Variants in PTPRK observed in about 807,000 individuals in gnomAD.
PTPRK encodes protein tyrosine phosphatase receptor type K, also known as receptor-type tyrosine-protein phosphatase kappa.
In PTPRK, 75 loss-of-function variants were observed where a neutral mutation model predicts 178.0. The observed-to-expected ratio is 0.42, with a 90% CI of 0.35 to 0.51. PTPRK has a LOEUF of 0.51. PTPRK is among the 20% of genes least tolerant of loss of function. The pLI is 0.02. For missense variants in PTPRK, 1,441 were observed against 1,797.8 expected (o/e 0.80, Z 3.59); for synonymous variants, 637 against 620.6 (o/e 1.03, Z -0.39).
At chr6:128,167,997 T>C (rs1209475264) in intron 7 of PTPRK, among the ~76,000 whole-genome samples, 1 of 152,112 alleles carries the variant, frequency 6.6e-6, no homozygotes, top group Non-Finnish European at 1.5e-5. Flanking sequence ...GTTTTCAGTT[T>C]TGAGAAACTT....
At chr6:128,310,169 T>G (rs964809910) in intron 3 of PTPRK, among the ~76,000 whole-genome samples, 2 of 152,212 alleles carry the variant, frequency 1.3e-5, no homozygotes, top group Non-Finnish European at 2.9e-5. Flanking sequence ...GCCTTCTTTC[T>G]CTCTGATTTC....
At chr6:128,181,844 T>C (rs561226032) in intron 7 of PTPRK, among the ~76,000 whole-genome samples, 36 of 152,144 alleles carry the variant, frequency 2.4e-4, no homozygotes, top group Non-Finnish European at 4.7e-4. Context: ...TTAATTATAC[T>C]ATATATCAAT....
At chr6:127,972,048 G>C (rs951633733) in intron 29 of PTPRK, among the ~76,000 whole-genome samples, 6 of 152,114 alleles carry the variant, frequency 3.9e-5, no homozygotes, top group African/African-American at 7.2e-5. Context: ...TAGGGAGTTT[G>C]AGGACACCTG....
chr6:128,493,998 C>A (rs1854293062), intron 1 of PTPRK, among the ~76,000 whole-genome samples: 1 of 152,262 alleles, frequency 6.6e-6, no homozygotes, highest in South Asian at 2.1e-4. Flanking sequence ...AGTGCTGGTA[C>A]ACACTAGTGG....
intron 1 of PTPRK, among the ~76,000 whole-genome samples, chr6:128,484,100 CTAGA>C (rs1289770404): frequency 6.6e-6 from 1 of 151,994 alleles, no homozygotes; most frequent in Non-Finnish European, 1.5e-5. Context: ...CTGGTAAATC[CTAGA>C]TAGACACCTT....
chr6:128,340,989 A>G (rs532041410), intron 2 of PTPRK, among the ~76,000 whole-genome samples: 5 of 152,168 alleles, frequency 3.3e-5, no homozygotes, highest in African/African-American at 1.2e-4. Context: ...TACTATATTT[A>G]TTGTTAGTAA....
intron 1 of PTPRK, among the ~76,000 whole-genome samples, chr6:128,513,095 A>C (rs1585034222): frequency 6.6e-6 from 1 of 152,238 alleles, no homozygotes; most frequent in African/African-American, 2.4e-5. Flanking sequence ...ATTTTTTTTC[A>C]AAGTCATCTG....
At chr6:128,229,920 A>T (rs755904463) in intron 5 of PTPRK, among the ~76,000 whole-genome samples, 1 of 152,176 alleles carries the variant, frequency 6.6e-6, no homozygotes, top group Non-Finnish European at 1.5e-5. Context: ...CAAATAGTAG[A>T]TTAGGGGGAG....
chr6:128,498,134 C>T (rs1177286444), intron 1 of PTPRK, among the ~76,000 whole-genome samples: 2 of 152,106 alleles, frequency 1.3e-5, no homozygotes, highest in African/African-American at 4.8e-5. Flanking sequence ...TCCTTAACAC[C>T]CTTTTTCTGT....
intron 1 of PTPRK, among the ~76,000 whole-genome samples, chr6:128,500,363 T>TG (rs36030938): frequency 0.065 from 9,739 of 150,540 alleles, 570 homozygotes; most frequent in African/African-American, 0.16. Context: ...ACTGAAAATT[T>TG]GGGGGGGGGA....
chr6:128,368,436 T>C (rs963437069), intron 2 of PTPRK, among the ~76,000 whole-genome samples: 11 of 151,660 alleles, frequency 7.3e-5, no homozygotes, highest in African/African-American at 2.7e-4. Flanking sequence ...ACGAGGCCAA[T>C]GACCAAGATC....
chr6:128,492,581 ATATT>A (rs1853981284), intron 1 of PTPRK, among the ~76,000 whole-genome samples: 1 of 152,174 alleles, frequency 6.6e-6, no homozygotes, highest in Admixed American at 6.5e-5. Context: ...AGACACAATA[ATATT>A]TATTTTACGG....
At chr6:128,172,982 A>AACC (rs1224519001) in intron 7 of PTPRK, among the ~76,000 whole-genome samples, 2 of 151,946 alleles carry the variant, frequency 1.3e-5, no homozygotes, top group Non-Finnish European at 2.9e-5. Context: ...GAGCACCAGG[A>AACC]ACCACTAGGG....
intron 2 of PTPRK, among the ~76,000 whole-genome samples, chr6:128,357,625 A>G (rs1018319239): frequency 1.3e-5 from 2 of 152,232 alleles, no homozygotes; most frequent in African/African-American, 4.8e-5. Flanking sequence ...TTATATTTAT[A>G]GACTAGTTGG....
chr6:128,043,439 T>A (rs963131330), intron 13 of PTPRK, among the ~76,000 whole-genome samples: 1 of 76,332 alleles, frequency 1.3e-5, no homozygotes, highest in African/African-American at 2.9e-5. Flanking sequence ...GATTCCAAAC[T>A]TTTTAGTATG....
At position 128,094,194 on chromosome 6, in the gene PTPRK, G is replaced by A. The variant is rs7761076; in HGVS notation, c.1163-4202C>T. Among the ~76,000 whole-genome samples the A allele has an allele frequency of 0.032, 4,936 of 152,258 alleles. 393 individuals are homozygous for A. In the East Asian group the frequency reaches 0.36, roughly 11 times the overall value. ...AGGCAAACTTTAGATGTCATGGTAA[G>A]AGGCTGAACTTACCTGATAGGCCAT... On this transcript the variant is annotated intron_variant, in intron 7 of 29. Coordinates refer to ENST00000368226, the MANE Select transcript of PTPRK (RefSeq NM_002844.4).
chr6:128,269,901 C>T (rs1027004785), intron 3 of PTPRK, among the ~76,000 whole-genome samples: 2 of 152,114 alleles, frequency 1.3e-5, no homozygotes, highest in African/African-American at 4.8e-5. Flanking sequence ...CCCAAAGCAA[C>T]TCCTCTTATA....
intron 2 of PTPRK, among the ~76,000 whole-genome samples, chr6:128,392,033 C>A (rs769769641): frequency 6.6e-6 from 1 of 152,058 alleles, no homozygotes; most frequent in Non-Finnish European, 1.5e-5. Flanking sequence ...CACACCAAAT[C>A]TCTCCAAATA....
intron 19 of PTPRK, among the ~76,000 whole-genome samples, chr6:127,992,291 T>C (rs773537591): frequency 1.3e-5 from 2 of 151,802 alleles, no homozygotes; most frequent in African/African-American, 2.4e-5. Flanking sequence ...ATAACAATAT[T>C]GGTCTTGGGT....
Sources: gnomAD v4.1 joint callset for allele counts (sites outside exome capture counted in the v4.1 genomes callset) on GRCh38, gnomAD v4.1.1 for gene constraint, MANE v1.5 for transcripts, NCBI Gene and HGNC (gene_info 2026-07-23, HGNC 2026-07-21) for gene names.